The following EEF1AKMT2 variants were observed in gnomAD, a reference collection of about 807,000 sequenced individuals.
EEF1AKMT2 encodes the protein EEF1A lysine methyltransferase 2.
In EEF1AKMT2, 32 loss-of-function variants were observed where a neutral mutation model predicts 35.8. The ratio of observed to expected loss-of-function variants is 0.89; its 90% CI spans 0.67 to 1.20. The LOEUF (loss-of-function observed/expected upper bound fraction) is 1.20. Ranked by LOEUF, EEF1AKMT2 falls within the 50% of genes most tolerant of loss-of-function variation. The pLI is 0.00. For missense variants in EEF1AKMT2, 330 were observed against 347.5 expected (o/e 0.95, Z 0.40); for synonymous variants, 121 against 133.7 (o/e 0.91, Z 0.65).
At chr10:124,788,371 T>C (rs1950605254) in intron 3 of EEF1AKMT2, among the ~76,000 whole-genome samples, 1 of 152,142 alleles carries the variant, frequency 6.6e-6, no homozygotes, top group East Asian at 1.9e-4. Flanking sequence ...CCATACTCTA[T>C]TGTAATGTAA....
chr10:124,782,310 C>T (rs529647377), intron 3 of EEF1AKMT2, among the ~76,000 whole-genome samples: 16 of 152,072 alleles, frequency 1.1e-4, no homozygotes, highest in Non-Finnish European at 2.1e-4. Context: ...CGGCCGGGTG[C>T]GGTGGCTCAC....
intron 3 of EEF1AKMT2, among the ~76,000 whole-genome samples, chr10:124,782,570 A>C (rs1226059889): frequency 1.7e-5 from 2 of 114,532 alleles, no homozygotes; most frequent in African/African-American, 6.8e-5. Flanking sequence ...CGACAGAGCG[A>C]GACTCCGTCT....
chr10:124,788,782 A>G (rs1950610963), intron 3 of EEF1AKMT2, among the ~76,000 whole-genome samples: 1 of 145,546 alleles, frequency 6.9e-6, no homozygotes, highest in Non-Finnish European at 1.5e-5. Context: ...CCTAGTCACA[A>G]CCCTTAGGAA....
chr10:124,787,620 T>C (rs1950597164), intron 3 of EEF1AKMT2, among the ~76,000 whole-genome samples: 1 of 151,768 alleles, frequency 6.6e-6, no homozygotes. Context: ...TAGTGAAACC[T>C]TGTCTCTACA....
chr10:124,765,545 T>A lies in EEF1AKMT2; in HGVS notation c.463A>T (p.Thr155Ser). The change falls in exon 5 of 7, where the codon ACT (threonine) becomes TCT (serine). Residue 155 changes from threonine to serine, a missense_variant. Physicochemically the swap from Thr to Ser is moderately conservative, Grantham distance 58 (BLOSUM62 1). Transcript: ENST00000368836. ...SGFHICIDKG[T>S]FDAISLNPDN... The stretch of plus-strand genomic sequence containing the variant: ...GGATTAAGGCTTATGGCATCAAAAG[T>A]CCCTTTGTCAATACAAATATGAAAT... 1.2e-6 allele frequency: 2 copies of A among 1,613,930 alleles called. No individual in the cohort carries two copies. The highest frequency in any genetic ancestry group is 1.7e-6 in the Non-Finnish European group (2 of 1,179,910).
chr10:124,757,471 G>A (rs1216074543), downstream of EEF1AKMT2, among the ~76,000 whole-genome samples: 2 of 152,006 alleles, frequency 1.3e-5, no homozygotes, highest in East Asian at 3.9e-4. Context: ...TAACATAGCA[G>A]GGATACACTA....
intron 3 of EEF1AKMT2, among the ~76,000 whole-genome samples, chr10:124,785,246 CAAAAA>C (rs35915292): frequency 9.8e-5 from 6 of 61,396 alleles, no homozygotes; most frequent in African/African-American, 1.5e-4. Flanking sequence ...GACTCCGTCT[CAAAAA>C]AAAAAAAAAA....
rs1460618701 is a variant in EEF1AKMT2 at position 124,791,673 on chromosome 10, G to C, written c.110+51C>G. On this transcript the variant is annotated intron_variant, in intron 1 of 6. Transcript: ENST00000368836. ...TCCACCCCGCCGTCCCCTTCTCGGGGCCCAGGCAGGGCGGCACGGCTCATC... is the reference window on the plus strand; with the variant it reads ...TCCACCCCGCCGTCCCCTTCTCGGGCCCCAGGCAGGGCGGCACGGCTCATC... 3.2e-6 allele frequency: 5 copies of C among 1,541,808 alleles called. No homozygotes were observed. The South Asian group carries it at 5.9e-5, about 18-fold the overall frequency.
At position 124,774,802 on chromosome 10, in the gene EEF1AKMT2, T is replaced by A. The variant is rs760140245; in HGVS notation, c.292-20A>T. 39 of 1,156,376 alleles carry A rather than the reference T, an allele frequency of 3.4e-5. No individual in the cohort carries two copies. Among genetic ancestry groups the A allele is most frequent in the Non-Finnish European group, 4.6e-5 (39 of 851,858 alleles). The allele number at this position is 1,156,376 out of a possible 1,614,324, so 71.6% of individuals were successfully genotyped here. On this transcript the variant is annotated intron_variant, in intron 3 of 6. Coordinates refer to ENST00000368836, the MANE Select transcript of EEF1AKMT2 (RefSeq NM_212554.4). ...TTTTGCCTAGAGAGAAATAATTTTATACTTTAGTATAAAATTTTAATATAA... is the reference window on the plus strand; with the variant it reads ...TTTTGCCTAGAGAGAAATAATTTTAAACTTTAGTATAAAATTTTAATATAA...
chr10:124,768,470 C>A (rs891145059), intron 4 of EEF1AKMT2, among the ~76,000 whole-genome samples: 1 of 152,080 alleles, frequency 6.6e-6, no homozygotes, highest in Non-Finnish European at 1.5e-5. Flanking sequence ...TTAGGCCGGG[C>A]GCAGTGACTC....
At chr10:124,762,784 G>A (rs1448533333) in intron 5 of EEF1AKMT2, among the ~76,000 whole-genome samples, 1 of 152,050 alleles carries the variant, frequency 6.6e-6, no homozygotes, top group Non-Finnish European at 1.5e-5. Flanking sequence ...GTTTCTTAAT[G>A]CTGGAAAATG....
chr10:124,768,152 CAGA>C lies in EEF1AKMT2; in HGVS notation c.400-2547_400-2545del, dbSNP rs571176153. ...AAACAAGCTTGACATGTTTCAGGAA[CAGA>C]AGAAAAGCCAATGTGACCGAGTATT... is the stretch of plus-strand genomic sequence containing the variant. On this transcript the variant is annotated intron_variant, in intron 4 of 6. Transcript: ENST00000368836. Among the ~76,000 whole-genome samples the C allele has an allele frequency of 1.4e-3, 219 of 152,210 alleles. 2 individuals are homozygous for C. The highest frequency in any genetic ancestry group is 5.2e-3 in the African/African-American group (214 of 41,532).
rs1231470247 is a variant in EEF1AKMT2, at chr10:124,760,163, A to C, written c.*340T>G. 1 of 398,052 alleles carries C rather than the reference A, an allele frequency of 2.5e-6. No homozygotes were observed. The highest frequency in any genetic ancestry group is 4.4e-6 in the Non-Finnish European group (1 of 224,986). 24.7% of individuals were successfully genotyped at this position (398,052 alleles called of 1,614,324 possible). A position where few individuals can be genotyped will look rare whatever the true frequency, so the allele number is the denominator to read the frequency against. Reference sequence around the variant, plus strand: ...TTTAGCAGTTATAGGAAATTTTTTTAATCGAAAAGAAAACTATTTACATTT... The same window carrying C: ...TTTAGCAGTTATAGGAAATTTTTTTCATCGAAAAGAAAACTATTTACATTT... On this transcript the variant is annotated 3_prime_UTR_variant, in exon 7 of 7. Transcript: ENST00000368836.
Position 124,765,381 on chromosome 10 carries a change from T to A in EEF1AKMT2, c.616+11A>T. On this transcript the variant is annotated intron_variant, in intron 5 of 6. Transcript: ENST00000368836. ...GGTAAGCACACATTTAAACACCATA[T>A]AGTCACTTACCTTCACTGAATTCAT... 1.2e-6 allele frequency: 2 copies of A among 1,608,590 alleles called. No homozygotes were observed. Among genetic ancestry groups the A allele is most frequent in the Non-Finnish European group, 1.7e-6 (2 of 1,175,198 alleles).
At chr10:124,786,593 T>C (rs1245951894) in intron 3 of EEF1AKMT2, among the ~76,000 whole-genome samples, 1 of 151,568 alleles carries the variant, frequency 6.6e-6, no homozygotes, top group Non-Finnish European at 1.5e-5. Flanking sequence ...GCAGATGGAT[T>C]ACCTGAGGTC....
In EEF1AKMT2 at chr10:124,770,828, A is replaced by G. The variant is rs745697081; in HGVS notation, c.399+3847T>C. On this transcript the variant is annotated intron_variant, in intron 4 of 6. Coordinates refer to ENST00000368836, the MANE Select transcript of EEF1AKMT2 (RefSeq NM_212554.4). ...AAACCACTTTCTCTGGTCGTCCACC[A>G]TAAGAAGCAACTCCTTATCTGATCA... 7.9e-5 allele frequency among the ~76,000 whole-genome samples: 12 copies of G among 152,364 alleles called. No individual in the cohort carries two copies. In the East Asian group the frequency reaches 9.6e-4, roughly 12 times the overall value.
At chr10:124,756,988 T>C (rs1317344991), downstream of EEF1AKMT2, among the ~76,000 whole-genome samples, 1 of 152,202 alleles carries the variant, frequency 6.6e-6, no homozygotes, top group Non-Finnish European at 1.5e-5. Flanking sequence ...TGGACATCTC[T>C]GTTTCCTGCC....
chr10:124,790,566 T>C (rs772038423), intron 1 of EEF1AKMT2, among the ~76,000 whole-genome samples: 2 of 151,988 alleles, frequency 1.3e-5, no homozygotes, highest in Non-Finnish European at 2.9e-5. Flanking sequence ...TTTAGGACAA[T>C]ATCTGATGCA....
At chr10:124,788,521 T>C (rs1038552448) in intron 3 of EEF1AKMT2, among the ~76,000 whole-genome samples, 6 of 151,838 alleles carry the variant, frequency 4.0e-5, no homozygotes, top group Non-Finnish European at 8.8e-5. Context: ...GGATGAAGCC[T>C]AAGTCTTATA....
Sources: gnomAD v4.1 joint callset for allele counts (sites outside exome capture counted in the v4.1 genomes callset) on GRCh38, gnomAD v4.1.1 for gene constraint, MANE v1.5 for transcripts, NCBI Gene and HGNC (gene_info 2026-07-23, HGNC 2026-07-21) for gene names.